Variants in LDB3 observed in about 807,000 individuals in gnomAD.
The protein encoded by LDB3 is LIM domain binding 3, also known as LIM domain-binding protein 3.
A neutral mutation model predicts 69.0 loss-of-function variants in LDB3; 49 were observed. That is an observed-to-expected ratio of 0.71 (90% CI 0.56 to 0.90). The LOEUF is 0.90. LDB3 is among the 40% of genes least tolerant of loss of function. The pLI is 0.00. For synonymous variants in LDB3, 387 were observed against 396.2 expected (o/e 0.98, Z 0.28); for missense variants, 928 against 974.1 (o/e 0.95, Z 0.63).
At chr10:86,700,022 G>A in intron 7 of LDB3, 1 of 986,498 alleles carries the variant, frequency 1.0e-6, no homozygotes, top group South Asian at 4.7e-5. Context: ...TGCTTGTTCT[G>A]AAATAAAGAA....
intron 7 of LDB3, among the ~76,000 whole-genome samples, chr10:86,701,994 A>G (rs1345298702): frequency 6.6e-6 from 1 of 152,170 alleles, no homozygotes; most frequent in African/African-American, 2.4e-5. Context: ...CACAATGGCA[A>G]TGTGGGCCCT....
At chr10:86,692,842 C>T (rs746703191) in intron 7 of LDB3, among the ~76,000 whole-genome samples, 4 of 152,230 alleles carry the variant, frequency 2.6e-5, no homozygotes, top group Non-Finnish European at 4.4e-5. Context: ...GGGGGCAGGG[C>T]TGCTTTGGCC....
In LDB3 at chr10:86,717,989, C is replaced by A. The variant is rs920461832; in HGVS notation, c.1702C>A (p.Arg568Ser). Reference sequence around the variant, plus strand: ...GGGCCCATTTCTGGTAGCCATGGGCCGTTCTTGGCACCCTGAAGAGTTCAC... The same window carrying A: ...GGGCCCATTTCTGGTAGCCATGGGCAGTTCTTGGCACCCTGAAGAGTTCAC... ...IRGPFLVAMG[R>S]SWHPEEFTCA... is the part of the protein sequence containing the mutation. Residue 568 changes from arginine (R) to serine (S), a missense_variant, in exon 11 of 14, where the codon CGT (arginine) becomes AGT (serine). By Grantham distance (110) the Arg-to-Ser change is moderately radical. Transcript: ENST00000361373. The A allele has an allele frequency of 3.1e-6, 5 of 1,614,120 alleles. No individual in the cohort carries two copies. In the Admixed American group the frequency reaches 6.7e-5, roughly 22 times the overall value.
intron 7 of LDB3, among the ~76,000 whole-genome samples, chr10:86,696,274 C>T (rs925782622): frequency 6.6e-6 from 1 of 152,182 alleles, no homozygotes; most frequent in East Asian, 1.9e-4. Context: ...CAATGGGTGC[C>T]CCCGCCAATG....
rs563058688 is a variant in LDB3, at chr10:86,722,419, C to T, written c.1978+3572C>T. On this transcript the variant is annotated intron_variant, in intron 12 of 13. Transcript: ENST00000361373. ...GGGACTACAGGCTCCCACCACTGCA[C>T]CCAGCTAATTTTTTGTATTTTTGGT... Among the ~76,000 whole-genome samples the T allele has an allele frequency of 2.2e-3, 331 of 152,100 alleles. 2 individuals carry two copies. The highest frequency in any genetic ancestry group is 2.7e-3 in the Non-Finnish European group (182 of 67,998).
intron 2 of LDB3, among the ~76,000 whole-genome samples, chr10:86,676,235 G>T (rs992999095): frequency 6.6e-6 from 1 of 152,178 alleles, no homozygotes; most frequent in Non-Finnish European, 1.5e-5. Context: ...GCAGGGGAAG[G>T]GGCGCTGTGG....
rs987200981 is a variant in LDB3, at chr10:86,684,399, G to C, written c.689+2596G>C. On this transcript the variant is annotated intron_variant, in intron 5 of 13. Coordinates refer to ENST00000361373, the MANE Select transcript of LDB3 (RefSeq NM_007078.3). ...AGGCTGCCAAGGGAGGGCAGAGGCA[G>C]CCCCCACCCCGCCAGGCCAACACTG... Among the ~76,000 whole-genome samples, 5 of 152,366 alleles carry C rather than the reference G, an allele frequency of 3.3e-5. No homozygotes were observed. In the East Asian group the frequency reaches 9.6e-4, roughly 29 times the overall value.
chr10:86,681,721 TCGGCAGAGACC>T lies in LDB3; in HGVS notation c.609_619del (p.Ala204GlufsTer28), dbSNP rs768354453. 2 of 1,611,980 alleles carry T rather than the reference TCGGCAGAGACC, an allele frequency of 1.2e-6. No homozygotes were observed. Among genetic ancestry groups the T allele is most frequent in the East Asian group, 4.5e-5 (2 of 44,790 alleles). ...ATATAACAACCCCATTGGCCTGTAC[TCGGCAGAGACC>T]CTGAGGGAGATGGCTCAGATGTACC... On this transcript the variant is annotated frameshift_variant, in exon 5 of 14. Coordinates refer to ENST00000361373, the MANE Select transcript of LDB3 (RefSeq NM_007078.3). LOFTEE classifies it high-confidence loss of function.
At chr10:86,702,156 C>A (rs1846285504) in intron 7 of LDB3, among the ~76,000 whole-genome samples, 1 of 152,160 alleles carries the variant, frequency 6.6e-6, no homozygotes, top group South Asian at 2.1e-4. Flanking sequence ...TATCATCACC[C>A]AATCAACAGA....
chr10:86,668,279 A>G (rs34073498), upstream of LDB3, among the ~76,000 whole-genome samples: 4,603 of 152,260 alleles, frequency 0.03, 85 homozygotes, highest in Non-Finnish European at 0.046. Flanking sequence ...CGCTCTCCAG[A>G]GGACACAGGA....
rs56209295 is a variant in LDB3, at chr10:86,735,052, T to TACACACAC, written c.*2117_*2124dup. On this transcript the variant is annotated 3_prime_UTR_variant, in exon 14 of 14. Coordinates refer to ENST00000361373, the MANE Select transcript of LDB3 (RefSeq NM_007078.3). ...TTCCAAAATCTCTTTTTAAAGGGTT[T>TACACACAC]ACACACACACACACACACACACACA... is the stretch of plus-strand genomic sequence containing the variant. 1.2e-4 allele frequency: 14 copies of TACACACAC among 112,388 alleles called. No individual in the cohort carries two copies. Among genetic ancestry groups the TACACACAC allele is most frequent in the East Asian group, 2.5e-4 (1 of 4,048 alleles). 7.0% of individuals were successfully genotyped at this position (112,388 alleles called of 1,614,324 possible).
intron 3 of LDB3, 69 bp from the exon 4 acceptor site, chr10:86,680,013 C>T (rs1245468765): frequency 1.2e-5 from 16 of 1,390,396 alleles, no homozygotes; most frequent in Non-Finnish European, 1.6e-5. Flanking sequence ...CCTCACCAGC[C>T]CTGCCCAGGC....
In LDB3 at chr10:86,718,842, A is replaced by G. The variant is rs768591342; in HGVS notation, c.1973A>G (p.Glu658Gly). Residue 658 changes from glutamate to glycine, a missense_variant, in exon 12 of 14, where the codon GAG (glutamate) becomes GGG (glycine). Transcript: ENST00000361373. The stretch of plus-strand genomic sequence containing the variant: ...ATGGAAGACGGGGAGCCCTACTGCG[A>G]GAAAGGTAGGAACACTTCGATGGCA... ...FHMEDGEPYCEKDYINLFSTK... is the reference protein window; with the variant it reads ...FHMEDGEPYCGKDYINLFSTK... 8 of 1,614,134 alleles carry G rather than the reference A, an allele frequency of 5.0e-6. No homozygotes were observed.
intron 12 of LDB3, among the ~76,000 whole-genome samples, chr10:86,725,103 G>A (rs1179721342): frequency 6.6e-6 from 1 of 152,250 alleles, no homozygotes; most frequent in Non-Finnish European, 1.5e-5. Flanking sequence ...CTGTGGAAGA[G>A]TTATGGAGGA....
At chr10:86,673,640 G>A (rs1186214604) in intron 2 of LDB3, among the ~76,000 whole-genome samples, 1 of 152,152 alleles carries the variant, frequency 6.6e-6, no homozygotes, top group South Asian at 2.1e-4. Flanking sequence ...AGCAGAGCAG[G>A]ACAAGACAGT....
chr10:86,711,440 G>A (rs1322107600), intron 9 of LDB3, among the ~76,000 whole-genome samples: 1 of 151,992 alleles, frequency 6.6e-6, no homozygotes, highest in East Asian at 2.0e-4. Context: ...CGGCCGGGCG[G>A]GCGCGCGCTG....
At position 86,681,527 on chromosome 10, in the gene LDB3, T is replaced by C. The variant is rs1589622799; in HGVS notation, c.413T>C (p.Leu138Pro). ...ASPGTPGTPE[L>P]RPTFSPAFSR... Reference sequence around the variant, plus strand: ...CCAGGCACCCCAGGCACCCCGGAGCTCAGGCCCACCTTTAGCCCTGCCTTC... The same window carrying C: ...CCAGGCACCCCAGGCACCCCGGAGCCCAGGCCCACCTTTAGCCCTGCCTTC... The change falls in exon 5 of 14, where the codon CTC becomes CCC. Residue 138 changes from leucine (L) to proline (P), a missense_variant. Coordinates refer to ENST00000361373, the MANE Select transcript of LDB3 (RefSeq NM_007078.3). 2 of 1,612,404 alleles carry C rather than the reference T, an allele frequency of 1.2e-6. No homozygotes were observed. Among genetic ancestry groups the C allele is most frequent in the Middle Eastern group, 1.7e-4 (1 of 6,052 alleles).
At position 86,718,056 on chromosome 10, in the gene LDB3, T is replaced by C; in HGVS notation, c.1769T>C (p.Val590Ala). Residue 590 changes from valine (V) to alanine (A), a missense_variant, in exon 11 of 14, where the codon GTG (valine) becomes GCG (alanine). By Grantham distance (64) the Val-to-Ala change is moderately conservative. Transcript: ENST00000361373. Reference sequence around the variant, plus strand: ...ACTTCCCTGGCAGATGTGTGCTTTGTGGAAGAGCAGAACAACGTTTACTGT... The same window carrying C: ...ACTTCCCTGGCAGATGTGTGCTTTGCGGAAGAGCAGAACAACGTTTACTGT... ...CKTSLADVCF[V>A]EEQNNVYCER... 1 of 1,614,184 alleles carries C rather than the reference T, an allele frequency of 6.2e-7. No homozygotes were observed. The highest frequency in any genetic ancestry group is 1.1e-5 in the South Asian group (1 of 91,084).
intron 2 of LDB3, among the ~76,000 whole-genome samples, chr10:86,676,524 C>T (rs1844797820): frequency 7.1e-6 from 1 of 140,610 alleles, no homozygotes; most frequent in Admixed American, 7.8e-5. Flanking sequence ...GAGATGATGC[C>T]ATTGCACTCC....
Sources: allele counts gnomAD v4.1 joint callset (sites outside exome capture counted in the v4.1 genomes callset), GRCh38; gene constraint gnomAD v4.1.1; transcripts MANE v1.5; gene names NCBI Gene and HGNC (gene_info 2026-07-23, HGNC 2026-07-21).